Variants in GALNT14 observed in about 807,000 individuals in gnomAD.
The protein encoded by GALNT14 is polypeptide N-acetylgalactosaminyltransferase 14, also known as UDP-GalNAc:polypeptide N-acetylgalactosaminyltransferase 14.
A neutral mutation model predicts 77.5 loss-of-function variants in GALNT14; 60 were observed. The ratio of observed to expected loss-of-function variants is 0.77; its 90% CI spans 0.63 to 0.96. The LOEUF (loss-of-function observed/expected upper bound fraction) is 0.96, where lower values mean the gene tolerates loss of function less well. Ranked by LOEUF, GALNT14 falls within the 40% of genes least tolerant of loss-of-function variation. The pLI is 0.00. For synonymous variants in GALNT14, 280 were observed against 281.7 expected, an observed-to-expected ratio of 0.99 and a Z score of 0.06; for missense variants, 710 against 731.0, an observed-to-expected ratio of 0.97 and a Z score of 0.33.
At chr2:30,932,712 C>T (rs1452535104) in intron 9 of GALNT14, among the ~76,000 whole-genome samples, 2 of 152,136 alleles carry the variant, frequency 1.3e-5, no homozygotes, top group Non-Finnish European at 2.9e-5. Context: ...AACTTCACGG[C>T]AAGGATGCAA....
At chr2:30,940,228 C>T (rs539094598) in intron 9 of GALNT14, among the ~76,000 whole-genome samples, 3 of 152,290 alleles carry the variant, frequency 2.0e-5, no homozygotes, top group Non-Finnish European at 2.9e-5. Context: ...CCAAAAGAGT[C>T]GGAAGCCAGC....
chr2:30,980,371 C>T (rs890289613), intron 2 of GALNT14, among the ~76,000 whole-genome samples: 1 of 152,264 alleles, frequency 6.6e-6, no homozygotes, highest in Non-Finnish European at 1.5e-5. Flanking sequence ...CCCCCTCTTG[C>T]CTGGGTGACT....
At position 31,091,518 on chromosome 2, in the gene GALNT14, C is replaced by T. The variant is rs902736650; in HGVS notation, c.129+46440G>A. On this transcript the variant is annotated intron_variant, in intron 1 of 14. Coordinates refer to ENST00000349752, the MANE Select transcript of GALNT14 (RefSeq NM_024572.4). ...CCCAAGGCCACTCCTGTGAAAGGAT[C>T]TAGAATGAGTCAAGATTTTATTCTG... is the stretch of plus-strand genomic sequence containing the variant. Among the ~76,000 whole-genome samples the T allele has an allele frequency of 4.6e-5, 7 of 152,324 alleles. No individual in the cohort carries two copies. The East Asian group carries it at 1.3e-3, about 29-fold the overall frequency.
the GALNT14 span, among the ~76,000 whole-genome samples, chr2:30,904,499 C>T: frequency 2.6e-5 from 4 of 152,182 alleles, no homozygotes; most frequent in African/African-American, 7.2e-5. Context: ...TGCGCTTTTC[C>T]GACGGGCTTA....
the GALNT14 span, among the ~76,000 whole-genome samples, chr2:30,898,601 G>C: frequency 1.3e-5 from 2 of 152,240 alleles, no homozygotes; most frequent in African/African-American, 4.8e-5. Flanking sequence ...AGAGGAGCCA[G>C]GGTTTGAACC....
At position 31,138,276 on chromosome 2, in the gene GALNT14, G is replaced by A; in HGVS notation, c.-190C>T. On this transcript the variant is annotated 5_prime_UTR_variant, in exon 1 of 15. Coordinates refer to ENST00000349752, the MANE Select transcript of GALNT14 (RefSeq NM_024572.4). ...TCGAAGAGAAGCGAGCCTGGGTGGG[G>A]GGTGCAGGGCGACCCGAAACGTGGC... 3 of 682,360 alleles carry A rather than the reference G, an allele frequency of 4.4e-6. No individual in the cohort carries two copies. The highest frequency in any genetic ancestry group is 1.9e-5 in the South Asian group (1 of 52,328). The allele number at this position is 682,360 out of a possible 1,614,324, so 42.3% of individuals were successfully genotyped here. A position where few individuals can be genotyped will look rare whatever the true frequency, so the allele number is the denominator to read the frequency against.
chr2:31,031,755 G>C (rs1672428800), intron 1 of GALNT14, among the ~76,000 whole-genome samples: 1 of 152,182 alleles, frequency 6.6e-6, no homozygotes. Flanking sequence ...GATCCTAGAA[G>C]GAAATGTGAC....
chr2:31,129,274 C>T (rs1372043334), intron 1 of GALNT14: 5 of 582,382 alleles, frequency 8.6e-6, no homozygotes, highest in Non-Finnish European at 1.1e-5. Flanking sequence ...TAATAACACT[C>T]ACCTCACAAA....
intron 1 of GALNT14, among the ~76,000 whole-genome samples, chr2:31,016,274 G>T (rs1348282963): frequency 6.6e-6 from 1 of 151,988 alleles, no homozygotes; most frequent in East Asian, 1.9e-4. Flanking sequence ...GTCTCTTTCT[G>T]GATTTCTAAT....
intron 11 of GALNT14, among the ~76,000 whole-genome samples, chr2:30,926,015 G>A (rs192458139): frequency 6.6e-6 from 1 of 152,168 alleles, no homozygotes; most frequent in African/African-American, 2.4e-5. Flanking sequence ...TTTCTTCCTG[G>A]GCAAACACAT....
chr2:31,097,796 C>A (rs1289856947), intron 1 of GALNT14, among the ~76,000 whole-genome samples: 1 of 152,100 alleles, frequency 6.6e-6, no homozygotes, highest in Non-Finnish European at 1.5e-5. Flanking sequence ...ACTGTACTGA[C>A]TGGCCAAGAC....
At chr2:30,904,360 G>A in the GALNT14 span, among the ~76,000 whole-genome samples, 1 of 152,248 alleles carries the variant, frequency 6.6e-6, no homozygotes, top group South Asian at 2.1e-4. Context: ...CGTGCACTGT[G>A]TGCGAGCCGA....
chr2:31,031,558 T>G (rs1007323502), intron 1 of GALNT14, among the ~76,000 whole-genome samples: 2 of 152,168 alleles, frequency 1.3e-5, no homozygotes, highest in Admixed American at 6.5e-5. Context: ...CACTGGTACC[T>G]CTGCTTACTT....
At chr2:30,982,058 C>T (rs556237179) in intron 2 of GALNT14, among the ~76,000 whole-genome samples, 28 of 152,290 alleles carry the variant, frequency 1.8e-4, no homozygotes, top group African/African-American at 6.7e-4. Context: ...AAGGCATAGA[C>T]AGATGCAGAG....
At position 31,130,784 on chromosome 2, in the gene GALNT14, G is replaced by GCA. The variant is rs1553382579; in HGVS notation, c.129+7173_129+7174insTG. ...TGTGTGTGTGTGTGTGTGTGTGTGT[G>GCA]CGCGCGCACCTGTGTGTGTGCCTGT... On this transcript the variant is annotated intron_variant, in intron 1 of 14. Transcript: ENST00000349752. 1.7e-3 allele frequency among the ~76,000 whole-genome samples: 209 copies of GCA among 125,038 alleles called. 5 individuals carry two copies. Among genetic ancestry groups the GCA allele is most frequent in the African/African-American group, 8.1e-3 (200 of 24,598 alleles). The allele number at this position is 125,038 out of a possible 152,430, so 82.0% of individuals were successfully genotyped here.
chr2:30,912,366 G>A, intron 13 of GALNT14, 24 bp from the exon 14 acceptor site: 1 of 1,612,580 alleles, frequency 6.2e-7, no homozygotes, highest in Non-Finnish European at 8.5e-7. Context: ...GACCAGGAAG[G>A]TTTGTTCAGG....
chr2:30,901,896 C>A, the GALNT14 span, among the ~76,000 whole-genome samples: 8 of 152,140 alleles, frequency 5.3e-5, no homozygotes. Flanking sequence ...AGGTCTAAAT[C>A]TTGTGAGCCT....
intron 1 of GALNT14, among the ~76,000 whole-genome samples, chr2:31,041,846 C>T (rs574455764): frequency 1.6e-3 from 237 of 152,220 alleles, no homozygotes; most frequent in African/African-American, 5.2e-3. Flanking sequence ...AGAGCGAATA[C>T]TGGAGATGTG....
Position 30,948,003 on chromosome 2 carries a change from T to G in GALNT14, c.655-2133A>C, listed in dbSNP as rs370586768. 1.3e-4 allele frequency among the ~76,000 whole-genome samples: 20 copies of G among 152,310 alleles called. 1 individual carries two copies. Among genetic ancestry groups the G allele is most frequent in the African/African-American group, 4.6e-4 (19 of 41,568 alleles). The stretch of plus-strand genomic sequence containing the variant: ...GCTGCCACAGTTCCTCTGGGGCTCT[T>G]GGGCCACTGTCATTGTGTGTCTGTG... On this transcript the variant is annotated intron_variant, in intron 6 of 14. Transcript: ENST00000349752.
Sources: gnomAD v4.1 joint callset for allele counts (sites outside exome capture counted in the v4.1 genomes callset) on GRCh38, gnomAD v4.1.1 for gene constraint, MANE v1.5 for transcripts, NCBI Gene and HGNC (gene_info 2026-07-23, HGNC 2026-07-21) for gene names.